Variants in HNF4G observed in about 807,000 individuals in gnomAD.
HNF4G encodes the protein hepatocyte nuclear factor 4 gamma.
In HNF4G, 21 loss-of-function variants were observed where a neutral mutation model predicts 50.9. The observed-to-expected ratio is 0.41, with a 90% CI of 0.29 to 0.59. The LOEUF is 0.59. HNF4G is among the 20% of genes least tolerant of loss of function. HNF4G has a pLI of 0.26. For synonymous variants in HNF4G, 198 were observed against 185.6 expected, an observed-to-expected ratio of 1.07 and a Z score of -0.54; for missense variants, 527 against 559.4, an observed-to-expected ratio of 0.94 and a Z score of 0.58.
At chr8:75,420,262 A>T (rs543882582) in intron 1 of HNF4G, among the ~76,000 whole-genome samples, 2 of 152,336 alleles carry the variant, frequency 1.3e-5, no homozygotes, top group East Asian at 3.9e-4. Flanking sequence ...GTACGTGGAC[A>T]ACTGCTGTAA....
chr8:75,466,106 G>A (rs1811964153), intron 1 of HNF4G, among the ~76,000 whole-genome samples: 1 of 152,102 alleles, frequency 6.6e-6, no homozygotes, highest in South Asian at 2.1e-4. Context: ...ATATCAAGTA[G>A]AGGCTCATTA....
intron 9 of HNF4G, 32 bp from the exon 10 acceptor site, chr8:75,563,943 C>CAGAG: frequency 6.2e-7 from 1 of 1,611,444 alleles, no homozygotes; most frequent in East Asian, 2.2e-5. Flanking sequence ...CTGACTGCCA[C>CAGAG]CATTAGACTC....
At chr8:75,514,354 C>CTTTTTTTTTTTTTTT (rs36078375) in intron 2 of HNF4G, among the ~76,000 whole-genome samples, 25 of 125,028 alleles carry the variant, frequency 2.0e-4, no homozygotes, top group South Asian at 2.5e-4. Context: ...TTTCTTCTTT[C>CTTTTTTTTTTTTTTT]TTTTTTTTTT....
chr8:75,466,620 CCTTCCTTCCTTCCTTCTCCCTTCCCT>C lies in HNF4G; in HGVS notation c.-143-23468_-143-23443del, dbSNP rs1166592770. Among the ~76,000 whole-genome samples the C allele has an allele frequency of 3.7e-3, 383 of 103,880 alleles. 1 individual carries two copies. Among genetic ancestry groups the C allele is most frequent in the Non-Finnish European group, 5.6e-3 (270 of 47,864 alleles). The allele number at this position is 103,880 out of a possible 152,430, so 68.1% of individuals were successfully genotyped here. A position where few individuals can be genotyped will look rare whatever the true frequency, so the allele number is the denominator to read the frequency against. On this transcript the variant is annotated intron_variant, in intron 1 of 10. Coordinates refer to the HNF4G transcript ENST00000354370. ...TCCTTCCTTCCTTCCTTCCTTCCTT[CCTTCCTTCCTTCCTTCTCCCTTCCCT>C]TCCCTTCCCTTCCCTTCCCTTCCCT...
chr8:75,467,425 G>C lies in HNF4G; in HGVS notation c.-143-22664G>C, dbSNP rs145761966. Among the ~76,000 whole-genome samples, 712 of 152,300 alleles carry C rather than the reference G, an allele frequency of 4.7e-3. 3 individuals are homozygous for C. The highest frequency in any genetic ancestry group is 0.016 in the African/African-American group (680 of 41,566). ...GCCTGTAATCCCAACACTTTGGGAG[G>C]CTGAGGCAGGCAGATCACGAGGTCA... is the stretch of plus-strand genomic sequence containing the variant. On this transcript the variant is annotated intron_variant, in intron 1 of 10. Coordinates refer to the HNF4G transcript ENST00000354370.
intron 1 of HNF4G, among the ~76,000 whole-genome samples, chr8:75,436,076 T>G (rs1195154284): frequency 6.6e-6 from 1 of 152,278 alleles, no homozygotes; most frequent in Non-Finnish European, 1.5e-5. Flanking sequence ...CAACATAAAT[T>G]ATAAGGTACC....
At chr8:75,510,981 G>T (rs974690491) in intron 2 of HNF4G, among the ~76,000 whole-genome samples, 2 of 151,892 alleles carry the variant, frequency 1.3e-5, no homozygotes, top group Non-Finnish European at 2.9e-5. Context: ...GTATCTTGAT[G>T]CACAAAAGTT....
chr8:75,482,476 C>T (rs1812403845), intron 1 of HNF4G, among the ~76,000 whole-genome samples: 1 of 152,128 alleles, frequency 6.6e-6, no homozygotes, highest in Admixed American at 6.5e-5. Context: ...AAGCGACTCT[C>T]CTGCCTCAGC....
At chr8:75,515,859 G>A (rs1413558107) in intron 2 of HNF4G, among the ~76,000 whole-genome samples, 2 of 151,134 alleles carry the variant, frequency 1.3e-5, no homozygotes, top group East Asian at 2.0e-4. Flanking sequence ...TCCCCCTCCT[G>A]GGTTTAAGTG....
chr8:75,525,779 A>T (rs1806161871), intron 2 of HNF4G, among the ~76,000 whole-genome samples: 1 of 152,330 alleles, frequency 6.6e-6, no homozygotes, highest in South Asian at 2.1e-4. Context: ...TGTAAGAAAA[A>T]GTTGAACTCA....
chr8:75,551,632 A>C, intron 4 of HNF4G, 138 bp downstream of exon 4: 1 of 525,094 alleles, frequency 1.9e-6, no homozygotes, highest in East Asian at 3.0e-5. Flanking sequence ...TAAGAGTTTT[A>C]CTTTGAAAGT....
chr8:75,458,399 A>G (rs1162323636), intron 1 of HNF4G, among the ~76,000 whole-genome samples: 2 of 144,074 alleles, frequency 1.4e-5, no homozygotes, highest in Non-Finnish European at 3.0e-5. Flanking sequence ...TTTACTTCTA[A>G]GGAAGAATAG....
At chr8:75,521,574 A>G (rs1806042684) in intron 2 of HNF4G, among the ~76,000 whole-genome samples, 2 of 152,122 alleles carry the variant, frequency 1.3e-5, no homozygotes, top group South Asian at 4.1e-4. Flanking sequence ...GGATGTTCTA[A>G]TAGTCCTGAA....
At chr8:75,464,196 C>T (rs1017633370) in intron 1 of HNF4G, among the ~76,000 whole-genome samples, 2 of 151,610 alleles carry the variant, frequency 1.3e-5, no homozygotes, top group Non-Finnish European at 2.9e-5. Context: ...ACCTAGGGCA[C>T]TCATGGGAAC....
chr8:75,508,618 C>G (rs1805666815), intron 2 of HNF4G, among the ~76,000 whole-genome samples: 1 of 152,178 alleles, frequency 6.6e-6, no homozygotes, highest in African/African-American at 2.4e-5. Context: ...AGCTTAGAAT[C>G]TAGCTGAAAG....
chr8:75,483,411 C>T (rs1160413290), intron 1 of HNF4G, among the ~76,000 whole-genome samples: 1 of 152,056 alleles, frequency 6.6e-6, no homozygotes, highest in Non-Finnish European at 1.5e-5. Flanking sequence ...ATTAAGCAAG[C>T]AAAAGTGTTC....
chr8:75,560,588 A>G (rs2130817716), intron 9 of HNF4G, 122 bp downstream of exon 9: 1 of 771,360 alleles, frequency 1.3e-6, no homozygotes, highest in Non-Finnish European at 2.1e-6. Flanking sequence ...TTCCCATCTG[A>G]GACTCAGCAG....
At position 75,473,728 on chromosome 8, in the gene HNF4G, C is replaced by A. The variant is rs530167324; in HGVS notation, c.-143-16361C>A. The stretch of plus-strand genomic sequence containing the variant: ...CTTAAACTTTCAGGAGTGATTCACT[C>A]GGATTGGAACTGGGGGGAGTAGACA... On this transcript the variant is annotated intron_variant, in intron 1 of 10. Transcript: ENST00000354370. 2.4e-4 allele frequency among the ~76,000 whole-genome samples: 37 copies of A among 152,150 alleles called. No homozygotes were observed. In the South Asian group the frequency reaches 6.9e-3, roughly 28 times the overall value.
chr8:75,420,351 T>C (rs1054446482), intron 1 of HNF4G, among the ~76,000 whole-genome samples: 1 of 152,242 alleles, frequency 6.6e-6, no homozygotes, highest in African/African-American at 2.4e-5. Flanking sequence ...GAATATGTTA[T>C]CTTCCTGCTT....
Sources: gnomAD v4.1 joint callset for allele counts (sites outside exome capture counted in the v4.1 genomes callset) on GRCh38, gnomAD v4.1.1 for gene constraint, MANE v1.5 for transcripts, NCBI Gene and HGNC (gene_info 2026-07-23, HGNC 2026-07-21) for gene names.